The following COL19A1 variants were observed in gnomAD, a reference collection of about 807,000 sequenced individuals.
The protein encoded by COL19A1 is collagen alpha-1(XIX) chain.
In COL19A1, 159 loss-of-function variants were observed where a neutral mutation model predicts 190.2. The observed-to-expected ratio is 0.84, with a 90% confidence interval of 0.73 to 0.95. COL19A1 has a LOEUF of 0.95. Ranked by LOEUF, COL19A1 falls within the 40% of genes least tolerant of loss-of-function variation. The probability of loss-of-function intolerance (pLI) is 0.00; values close to 1 mark genes in which losing one functional copy is unlikely to be tolerated. For synonymous variants in COL19A1, 509 were observed against 458.9 expected, an observed-to-expected ratio of 1.11 and a Z score of -1.39; for missense variants, 1,418 against 1,431.9, an observed-to-expected ratio of 0.99 and a Z score of 0.16.
chr6:69,990,227 C>T (rs1381436448), intron 11 of COL19A1, among the ~76,000 whole-genome samples: 1 of 152,054 alleles, frequency 6.6e-6, no homozygotes, highest in African/African-American at 2.4e-5. Context: ...CACTTAGACT[C>T]CATCTTGTAT....
intron 14 of COL19A1, among the ~76,000 whole-genome samples, chr6:70,047,283 A>G (rs1779965146): frequency 6.6e-6 from 1 of 152,138 alleles, no homozygotes; most frequent in African/African-American, 2.4e-5. Flanking sequence ...ATAAACTTAA[A>G]TTATCTCTTC....
At chr6:69,915,998 G>A (rs1363753030) in intron 4 of COL19A1, among the ~76,000 whole-genome samples, 8 of 145,196 alleles carry the variant, frequency 5.5e-5, no homozygotes, top group South Asian at 2.2e-4. Flanking sequence ...GTGCAGTGGC[G>A]CGATCTCAGC....
chr6:70,155,725 A>G (rs980531852), intron 31 of COL19A1, among the ~76,000 whole-genome samples: 1 of 152,132 alleles, frequency 6.6e-6, no homozygotes, highest in Non-Finnish European at 1.5e-5. Flanking sequence ...GGTTTATGCT[A>G]TAGGTTGTTT....
At chr6:70,119,486 GATCACCCAGT>G (rs368373681) in intron 16 of COL19A1, among the ~76,000 whole-genome samples, 13 of 152,294 alleles carry the variant, frequency 8.5e-5, no homozygotes, top group Non-Finnish European at 1.3e-4. Context: ...ATAGAAGAGT[GATCACCCAGT>G]ATTCTCTAGG....
At chr6:70,029,514 A>T (rs1217190418) in intron 12 of COL19A1, among the ~76,000 whole-genome samples, 2 of 152,140 alleles carry the variant, frequency 1.3e-5, no homozygotes, top group Non-Finnish European at 1.5e-5. Flanking sequence ...AGTCTATTCC[A>T]TTTGGCTCTT....
intron 32 of COL19A1, 26 bp from the exon 33 acceptor site, chr6:70,156,290 A>G (rs377148197): frequency 1.2e-5 from 19 of 1,613,068 alleles, no homozygotes; most frequent in African/African-American, 4.0e-5. Flanking sequence ...GCATCCTCTC[A>G]GTTCTGTTCT....
intron 11 of COL19A1, among the ~76,000 whole-genome samples, chr6:70,020,422 C>T (rs1778353405): frequency 6.6e-6 from 1 of 151,916 alleles, no homozygotes; most frequent in African/African-American, 2.4e-5. Flanking sequence ...TATCTAAGTT[C>T]ACCTATATTT....
chr6:70,107,102 C>A (rs1030370842), intron 16 of COL19A1, among the ~76,000 whole-genome samples: 4 of 152,166 alleles, frequency 2.6e-5, no homozygotes, highest in Non-Finnish European at 4.4e-5. Context: ...TGTCAAGTAA[C>A]TTACCCAAGA....
chr6:70,048,383 T>G (rs1225911327), intron 14 of COL19A1, among the ~76,000 whole-genome samples: 1 of 152,070 alleles, frequency 6.6e-6, no homozygotes, highest in Non-Finnish European at 1.5e-5. Context: ...ATGGTCCCTT[T>G]CCTCCCTTCC....
At chr6:70,092,229 A>AT (rs1782973994) in intron 15 of COL19A1, among the ~76,000 whole-genome samples, 1 of 151,968 alleles carries the variant, frequency 6.6e-6, no homozygotes, top group African/African-American at 2.4e-5. Flanking sequence ...AGGGGATATA[A>AT]TGTCCCAGGT....
At chr6:70,105,227 G>A (rs1239689880) in intron 16 of COL19A1, among the ~76,000 whole-genome samples, 3 of 151,996 alleles carry the variant, frequency 2.0e-5, no homozygotes, top group African/African-American at 7.3e-5. Flanking sequence ...GCATGATCTC[G>A]GCTCACTGCA....
Position 70,151,452 on chromosome 6 carries a change from A to G in COL19A1, c.2079+14A>G, listed in dbSNP as rs16868587. 7,358 of 1,610,098 alleles carry G rather than the reference A, an allele frequency of 4.6e-3. 230 individuals are homozygous for G. In the African/African-American group the frequency reaches 0.074, roughly 16 times the overall value. On this transcript the variant is annotated intron_variant, in intron 31 of 50. Coordinates refer to ENST00000620364, the MANE Select transcript of COL19A1 (RefSeq NM_001858.6). ...GCTTTGCTCAAGGTACTCTATTGCT[A>G]TGTAAGAAATTATGTGTTAATTTCC...
At chr6:70,022,643 A>T (rs1443526565) in intron 11 of COL19A1, among the ~76,000 whole-genome samples, 1 of 152,192 alleles carries the variant, frequency 6.6e-6, no homozygotes, top group African/African-American at 2.4e-5. Flanking sequence ...GGTATTAGTG[A>T]CCATTCTGAA....
At chr6:70,079,572 A>G (rs1374194367) in intron 15 of COL19A1, among the ~76,000 whole-genome samples, 1 of 152,184 alleles carries the variant, frequency 6.6e-6, no homozygotes, top group Non-Finnish European at 1.5e-5. Flanking sequence ...GTGGGAGAAT[A>G]AGAAGAAAGT....
chr6:70,055,153 A>G (rs959124542), intron 14 of COL19A1, among the ~76,000 whole-genome samples: 1 of 152,236 alleles, frequency 6.6e-6, no homozygotes, highest in Admixed American at 6.5e-5. Flanking sequence ...TAAAAAATAT[A>G]AAGTAAAACA....
At chr6:70,095,836 G>A (rs902297440) in intron 15 of COL19A1, among the ~76,000 whole-genome samples, 1 of 151,948 alleles carries the variant, frequency 6.6e-6, no homozygotes, top group African/African-American at 2.4e-5. Flanking sequence ...TGTCCTCAAG[G>A]TTCCTCCATG....
rs762912652 is a variant in COL19A1, at chr6:69,927,910, A to C, written c.268A>C (p.Lys90Gln). 6 of 1,604,122 alleles carry C rather than the reference A, an allele frequency of 3.7e-6. No homozygotes were observed. The highest frequency in any genetic ancestry group is 4.3e-6 in the Non-Finnish European group (5 of 1,173,948). ...GSALLIRDTI[K>Q]IFPKGLPEEY... ...AAGTTCTTTGTTTTCCTCCCACAGT[A>C]AGATATTTCCCAAAGGCCTTCCTGA... is the stretch of plus-strand genomic sequence containing the variant. The change falls in exon 5 of 51, where the codon AAG (lysine) becomes CAG (glutamine). Residue 90 changes from lysine (K) to glutamine (Q), a missense_variant and splice_region_variant. Transcript: ENST00000620364.
Position 70,034,285 on chromosome 6 carries a change from C to T in COL19A1, c.1121C>T (p.Pro374Leu). The change falls in exon 13 of 51, where the codon CCA becomes CTA. Residue 374 changes from proline to leucine, a missense_variant. Coordinates refer to ENST00000620364, the MANE Select transcript of COL19A1 (RefSeq NM_001858.6). Reference protein sequence around the residue: ...GDLGPHGPPGPKGEKGDTGPP... With the variant: ...GDLGPHGPPGLKGEKGDTGPP... ...TTGGGTCCTCATGGTCCACCTGGCC[C>T]AAAAGGAGAAAAGGTATTGTGTTTA... 6.2e-7 allele frequency: 1 copy of T among 1,612,856 alleles called. No homozygotes were observed. Among genetic ancestry groups the T allele is most frequent in the Non-Finnish European group, 8.5e-7 (1 of 1,178,992 alleles).
At chr6:69,908,725 T>C (rs1355104931) in intron 4 of COL19A1, among the ~76,000 whole-genome samples, 1 of 152,144 alleles carries the variant, frequency 6.6e-6, no homozygotes, top group Non-Finnish European at 1.5e-5. Context: ...TTTAAGTAAG[T>C]TGTGATTTTG....
Sources: allele counts gnomAD v4.1 joint callset (sites outside exome capture counted in the v4.1 genomes callset), GRCh38; gene constraint gnomAD v4.1.1; transcripts MANE v1.5; gene names NCBI Gene and HGNC (gene_info 2026-07-23, HGNC 2026-07-21).